The following TBXAS1 variants were observed in gnomAD, a reference collection of about 807,000 sequenced individuals.
TBXAS1 encodes thromboxane-A synthase.
In TBXAS1, 48 loss-of-function variants were observed where a neutral mutation model predicts 60.7. The observed-to-expected ratio is 0.79, with a 90% CI of 0.63 to 1.01. The LOEUF is 1.01. TBXAS1 is among the 50% of genes least tolerant of loss of function. The probability of loss-of-function intolerance (pLI) is 0.00; values close to 1 mark genes in which losing one functional copy is unlikely to be tolerated. For synonymous variants in TBXAS1, 287 were observed against 269.7 expected, an observed-to-expected ratio of 1.06 and a Z score of -0.63; for missense variants, 685 against 686.3, an observed-to-expected ratio of 1.00 and a Z score of 0.02.
chr7:139,883,539 A>G (rs377514254), intron 3 of TBXAS1, among the ~76,000 whole-genome samples: 1 of 152,216 alleles, frequency 6.6e-6, no homozygotes, highest in Non-Finnish European at 1.5e-5. Flanking sequence ...ACCTGTATTA[A>G]TTCCCTCTTC....
intron 9 of TBXAS1, among the ~76,000 whole-genome samples, chr7:139,980,870 C>T (rs1235760573): frequency 6.6e-6 from 1 of 151,554 alleles, no homozygotes; most frequent in Non-Finnish European, 1.5e-5. Context: ...GTCATGTGCC[C>T]TCAGCAACAT....
intron 4 of TBXAS1, among the ~76,000 whole-genome samples, chr7:139,823,419 G>A (rs913581204): frequency 2.6e-5 from 4 of 151,938 alleles, no homozygotes; most frequent in Non-Finnish European, 2.9e-5. Context: ...CTGATCTCCC[G>A]CTCTCAGAAA....
intron 1 of TBXAS1, among the ~76,000 whole-genome samples, chr7:139,846,729 A>C (rs1799832795): frequency 6.6e-6 from 1 of 152,232 alleles, no homozygotes; most frequent in African/African-American, 2.4e-5. Flanking sequence ...TCCTGGACTT[A>C]TACCACTAGG....
chr7:139,963,305 A>C (rs1218816516), intron 9 of TBXAS1, among the ~76,000 whole-genome samples: 1 of 152,178 alleles, frequency 6.6e-6, no homozygotes. Context: ...GTTTATATTT[A>C]TCCTTATTAC....
chr7:139,872,127 T>C, intron 1 of TBXAS1, 108 bp from the exon 2 acceptor site: 1 of 1,162,692 alleles, frequency 8.6e-7, no homozygotes, highest in Non-Finnish European at 1.3e-6. Flanking sequence ...TGGAAACCTA[T>C]TCTTTTGCCT....
At chr7:139,966,673 G>A (rs182728469) in intron 9 of TBXAS1, among the ~76,000 whole-genome samples, 8 of 152,232 alleles carry the variant, frequency 5.3e-5, no homozygotes, top group South Asian at 4.1e-4. Context: ...TTCCCTGTCC[G>A]TGATGATACT....
At position 140,017,839 on chromosome 7, in the gene TBXAS1, GC is replaced by G; in HGVS notation, c.1527+12del. ...AAGCCTGCCCTGAGACCCAGGTGAG[GC>G]CCCCCTGCTCAGAGGCAGGGGCAGG... On this transcript the variant is annotated splice_region_variant and intron_variant, in intron 12 of 12. Transcript: ENST00000448866. 1 of 1,614,044 alleles carries G rather than the reference GC, an allele frequency of 6.2e-7. No homozygotes were observed. The highest frequency in any genetic ancestry group is 8.5e-7 in the Non-Finnish European group (1 of 1,179,932).
At chr7:139,874,653 C>A (rs1311532312) in intron 2 of TBXAS1, among the ~76,000 whole-genome samples, 1 of 152,254 alleles carries the variant, frequency 6.6e-6, no homozygotes, top group East Asian at 1.9e-4. Context: ...CCACCCCATA[C>A]TCCATTCTCA....
intron 9 of TBXAS1, among the ~76,000 whole-genome samples, chr7:139,981,769 C>T (rs1323616671): frequency 6.6e-6 from 1 of 152,210 alleles, no homozygotes; most frequent in African/African-American, 2.4e-5. Context: ...CATTGAGTCG[C>T]TCACAAAGGG....
chr7:139,825,020 G>C (rs933614635), upstream of TBXAS1, among the ~76,000 whole-genome samples: 1 of 151,808 alleles, frequency 6.6e-6, no homozygotes, highest in Non-Finnish European at 1.5e-5. Flanking sequence ...AGTAGAGACA[G>C]GGTTTTGCCA....
chr7:139,824,503 G>A (rs1798384537), upstream of TBXAS1, among the ~76,000 whole-genome samples: 1 of 152,232 alleles, frequency 6.6e-6, no homozygotes, highest in South Asian at 2.1e-4. Flanking sequence ...CTCGAATGCT[G>A]TTTAGCAGAG....
chr7:139,945,493 T>C (rs1808625507), intron 5 of TBXAS1, among the ~76,000 whole-genome samples: 2 of 152,224 alleles, frequency 1.3e-5, no homozygotes. Flanking sequence ...GGGTACCTTC[T>C]ATGTCAAGGC....
Position 139,835,241 on chromosome 7 carries a change from AT to A in TBXAS1, c.89+5770del, listed in dbSNP as rs541273468. Among the ~76,000 whole-genome samples the A allele has an allele frequency of 4.6e-5, 7 of 151,392 alleles. No homozygotes were observed. The East Asian group carries it at 5.8e-4, about 13-fold the overall frequency. The stretch of plus-strand genomic sequence containing the variant: ...GCCACCACGCTGGCTAATTTTTTGT[AT>A]TTTTTTTAGTAGAGATGGGGTTTCA... On this transcript the variant is annotated intron_variant, in intron 1 of 12. Transcript: ENST00000448866.
intron 9 of TBXAS1, among the ~76,000 whole-genome samples, chr7:139,994,592 G>A (rs894772910): frequency 1.3e-5 from 2 of 151,510 alleles, no homozygotes; most frequent in Admixed American, 6.6e-5. Flanking sequence ...GGGCAATAGG[G>A]AATTCAGGAT....
At chr7:139,792,882 A>G (rs1390651124) in intron 4 of TBXAS1, among the ~76,000 whole-genome samples, 3 of 152,252 alleles carry the variant, frequency 2.0e-5, no homozygotes, top group Non-Finnish European at 4.4e-5. Flanking sequence ...GAACATCAAT[A>G]GGAAACAAAG....
intron 4 of TBXAS1, among the ~76,000 whole-genome samples, chr7:139,796,691 CATT>C: frequency 6.6e-6 from 1 of 152,122 alleles, no homozygotes; most frequent in Non-Finnish European, 1.5e-5. Context: ...AAATGTACCA[CATT>C]AATGTAAGAT....
At chr7:139,961,012 G>A (rs914986620) in intron 8 of TBXAS1, among the ~76,000 whole-genome samples, 2 of 152,150 alleles carry the variant, frequency 1.3e-5, no homozygotes, top group East Asian at 1.9e-4. Flanking sequence ...ACACAGAGGC[G>A]ATATAGAAAC....
chr7:139,908,000 T>C (rs1293293584), intron 3 of TBXAS1, among the ~76,000 whole-genome samples: 3 of 152,076 alleles, frequency 2.0e-5, no homozygotes, highest in Non-Finnish European at 4.4e-5. Context: ...TTTGTAGTGA[T>C]ATCCCATTTC....
Position 139,995,616 on chromosome 7 carries a change from C to A in TBXAS1, c.1135-11475C>A, listed in dbSNP as rs8192860. ...AGCGACCTTTTCAGATGCTCCATAA[C>A]CTCGTGTGAAAAGCCCCGGTGGACC... On this transcript the variant is annotated intron_variant, in intron 9 of 12. Coordinates refer to ENST00000448866, the MANE Select transcript of TBXAS1 (RefSeq NM_001061.7). Among the ~76,000 whole-genome samples the A allele has an allele frequency of 1.6e-3, 247 of 152,300 alleles. 2 individuals are homozygous for A. In the East Asian group the frequency reaches 0.035, roughly 22 times the overall value.
Sources: allele counts gnomAD v4.1 joint callset (sites outside exome capture counted in the v4.1 genomes callset), GRCh38; gene constraint gnomAD v4.1.1; transcripts MANE v1.5; gene names NCBI Gene and HGNC (gene_info 2026-07-23, HGNC 2026-07-21).